ANO2: variants seen among roughly 807,000 people sequenced by gnomAD.
ANO2 encodes anoctamin 2.
Under a neutral mutation model 124.2 loss-of-function variants are expected in ANO2, and 101 were observed. The ratio of observed to expected loss-of-function variants is 0.81; its 90% confidence interval spans 0.69 to 0.96. The LOEUF (loss-of-function observed/expected upper bound fraction) is 0.96. ANO2 is among the 40% of genes least tolerant of loss of function. The pLI is 0.00. For synonymous variants in ANO2, 486 were observed against 482.5 expected (o/e 1.01, Z -0.09); for missense variants, 1,293 against 1,274.5 (o/e 1.01, Z -0.22).
intron 14 of ANO2, among the ~76,000 whole-genome samples, chr12:5,707,648 T>A (rs1480250529): frequency 1.3e-5 from 2 of 152,122 alleles, no homozygotes; most frequent in African/African-American, 2.4e-5. Context: ...GGATACCCAA[T>A]CAACTTTCTA....
chr12:5,711,749 T>A (rs931666775), intron 14 of ANO2, among the ~76,000 whole-genome samples: 1 of 152,228 alleles, frequency 6.6e-6, no homozygotes, highest in African/African-American at 2.4e-5. Flanking sequence ...CACGCAATCA[T>A]CATACATTAG....
In ANO2 at chr12:5,576,953, G is replaced by A. The variant is rs1184281004; in HGVS notation, c.2440-938C>T. ...TTTAATTTCCCAAATGATCTTATTT[G>A]GTGGGTACTATTATTATCTCCCATT... is the stretch of plus-strand genomic sequence containing the variant. On this transcript the variant is annotated intron_variant, in intron 22 of 24. Coordinates refer to ENST00000682330, the MANE Select transcript of ANO2 (RefSeq NM_001364791.2). Among the ~76,000 whole-genome samples the A allele has an allele frequency of 3.9e-5, 6 of 152,118 alleles. No homozygotes were observed. The East Asian group carries it at 1.2e-3, about 29-fold the overall frequency.
At chr12:5,657,344 G>A (rs1041019881) in intron 14 of ANO2, among the ~76,000 whole-genome samples, 5 of 152,058 alleles carry the variant, frequency 3.3e-5, no homozygotes, top group Admixed American at 6.5e-5. Flanking sequence ...TGAGATTCCC[G>A]TGCTGGGTGC....
chr12:5,884,509 C>A (rs1591740288), intron 3 of ANO2, among the ~76,000 whole-genome samples: 6 of 152,340 alleles, frequency 3.9e-5, no homozygotes, highest in African/African-American at 1.4e-4. Flanking sequence ...GCCCCATGGC[C>A]ATCTTTGTAC....
intron 19 of ANO2, among the ~76,000 whole-genome samples, chr12:5,606,060 C>G (rs1313423566): frequency 2.6e-5 from 4 of 152,146 alleles, no homozygotes; most frequent in African/African-American, 9.7e-5. Context: ...CTCGGTGACC[C>G]CATTTTACTG....
intron 1 of ANO2, among the ~76,000 whole-genome samples, chr12:5,926,794 G>A (rs1942100974): frequency 6.6e-6 from 1 of 152,150 alleles, no homozygotes; most frequent in Non-Finnish European, 1.5e-5. Flanking sequence ...GGAGGTGCAG[G>A]CCACGAGGAC....
At chr12:5,606,786 G>A (rs1266708015) in intron 19 of ANO2, among the ~76,000 whole-genome samples, 1 of 152,132 alleles carries the variant, frequency 6.6e-6, no homozygotes, top group Non-Finnish European at 1.5e-5. Context: ...ACACATGCAT[G>A]TTTGTGCACA....
At chr12:5,919,028 G>A (rs1295456114) in intron 3 of ANO2, among the ~76,000 whole-genome samples, 1 of 152,186 alleles carries the variant, frequency 6.6e-6, no homozygotes, top group Non-Finnish European at 1.5e-5. Context: ...TGCTGGGGAT[G>A]TGCAGCGAGC....
At chr12:5,826,973 T>A (rs1184733025) in intron 7 of ANO2, among the ~76,000 whole-genome samples, 2 of 152,216 alleles carry the variant, frequency 1.3e-5, no homozygotes, top group Non-Finnish European at 2.9e-5. Flanking sequence ...AGCTGTCAGA[T>A]GCCACTTGGA....
chr12:5,690,307 T>A (rs1047211726), intron 14 of ANO2, among the ~76,000 whole-genome samples: 31 of 152,232 alleles, frequency 2.0e-4, no homozygotes, highest in Middle Eastern at 6.8e-3. Flanking sequence ...CAATATTTTC[T>A]CACTCTGGAT....
At position 5,922,513 on chromosome 12, in the gene ANO2, C is replaced by G. The variant is rs562001015; in HGVS notation, c.207+107G>C. ...TACCCAAACCTAGGTCTCTCTCTTT[C>G]ACGCACACATGTGCTCCCAACTGGA... On this transcript the variant is annotated intron_variant, in intron 2 of 24. Transcript: ENST00000682330. 6.4e-4 allele frequency: 809 copies of G among 1,263,212 alleles called. 2 individuals are homozygous for G. Among genetic ancestry groups the G allele is most frequent in the South Asian group, 7.6e-4 (48 of 63,352 alleles). The allele number at this position is 1,263,212 out of a possible 1,614,324, so 78.3% of individuals were successfully genotyped here. A position where few individuals can be genotyped will look rare whatever the true frequency, so the allele number is the denominator to read the frequency against.
At chr12:5,913,956 C>G (rs1941213651) in intron 3 of ANO2, among the ~76,000 whole-genome samples, 1 of 152,180 alleles carries the variant, frequency 6.6e-6, no homozygotes, top group South Asian at 2.1e-4. Context: ...AAAGTGAAGC[C>G]TTTGGGACGC....
chr12:5,723,902 G>C lies in ANO2; in HGVS notation c.1545+8618C>G, dbSNP rs114964567. On this transcript the variant is annotated intron_variant, in intron 14 of 24. Transcript: ENST00000682330. ...GACTGCAGAGCTGAACCAACCCGCA[G>C]CTTCTCAGCCCTTATCAGACCGGCT... Among the ~76,000 whole-genome samples the C allele has an allele frequency of 4.8e-3, 736 of 152,182 alleles. 7 individuals carry two copies. The highest frequency in any genetic ancestry group is 0.016 in the African/African-American group (670 of 41,496).
At chr12:5,934,230 G>GGTAA (rs1353303475) in intron 1 of ANO2, among the ~76,000 whole-genome samples, 1 of 152,164 alleles carries the variant, frequency 6.6e-6, no homozygotes, top group African/African-American at 2.4e-5. Flanking sequence ...AGAGAGGCCA[G>GGTAA]GTAAGTTGTC....
At chr12:5,932,414 G>A (rs1942447081) in intron 1 of ANO2, among the ~76,000 whole-genome samples, 1 of 147,610 alleles carries the variant, frequency 6.8e-6, no homozygotes, top group Middle Eastern at 3.5e-3. Flanking sequence ...TAGTAAGGAA[G>A]GAAGACTGGT....
chr12:5,912,227 G>A (rs1375017395), intron 3 of ANO2, among the ~76,000 whole-genome samples: 1 of 152,174 alleles, frequency 6.6e-6, no homozygotes, highest in Non-Finnish European at 1.5e-5. Context: ...CCAGCTTTGT[G>A]CAAAACCTGG....
intron 14 of ANO2, among the ~76,000 whole-genome samples, chr12:5,663,191 G>T (rs1306645414): frequency 6.6e-6 from 1 of 152,204 alleles, no homozygotes; most frequent in East Asian, 1.9e-4. Context: ...TAGGCTGAAG[G>T]CATCCTGGAC....
intron 14 of ANO2, among the ~76,000 whole-genome samples, chr12:5,664,163 G>A (rs1430724373): frequency 6.6e-6 from 1 of 152,222 alleles, no homozygotes; most frequent in Admixed American, 6.5e-5. Flanking sequence ...CATGCTTGGT[G>A]GTCTGGGTAT....
intron 14 of ANO2, among the ~76,000 whole-genome samples, chr12:5,668,064 T>C (rs914343104): frequency 5.3e-5 from 8 of 152,336 alleles, no homozygotes; most frequent in African/African-American, 1.9e-4. Flanking sequence ...TTCGGGTATA[T>C]ACTCAGTAAT....
Sources: allele counts gnomAD v4.1 joint callset (sites outside exome capture counted in the v4.1 genomes callset), GRCh38; gene constraint gnomAD v4.1.1; transcripts MANE v1.5; gene names NCBI Gene and HGNC (gene_info 2026-07-23, HGNC 2026-07-21).